FAF2: variants seen among roughly 807,000 people sequenced by gnomAD.
FAF2 encodes the protein FAS-associated factor 2.
A neutral mutation model predicts 62.3 loss-of-function variants in FAF2; 9 were observed. That is an observed-to-expected ratio of 0.14 (90% CI 0.09 to 0.25). FAF2 has a LOEUF of 0.25. FAF2 is among the 10% of genes least tolerant of loss of function. FAF2 has a pLI of 1.00. For missense variants in FAF2, 368 were observed against 556.2 expected, an observed-to-expected ratio of 0.66 and a Z score of 3.40; for synonymous variants, 202 against 198.0, an observed-to-expected ratio of 1.02 and a Z score of -0.17.
intron 4 of FAF2, among the ~76,000 whole-genome samples, chr5:176,489,934 T>C (rs1285018018): frequency 6.6e-6 from 1 of 152,188 alleles, no homozygotes; most frequent in East Asian, 1.9e-4. Flanking sequence ...GCTTCATACC[T>C]TCACCTTTCT....
At chr5:176,483,920 C>T (rs1417636411) in intron 2 of FAF2, among the ~76,000 whole-genome samples, 1 of 151,906 alleles carries the variant, frequency 6.6e-6, no homozygotes, top group Non-Finnish European at 1.5e-5. Context: ...ACTAAAAATA[C>T]AAAAATTAGC....
intron 10 of FAF2, among the ~76,000 whole-genome samples, chr5:176,503,290 C>T (rs1380154575): frequency 6.6e-6 from 1 of 152,138 alleles, no homozygotes; most frequent in Admixed American, 6.5e-5. Context: ...TGCAGTGGCT[C>T]ATGCCTGTAA....
intron 8 of FAF2, among the ~76,000 whole-genome samples, chr5:176,498,587 A>G (rs1272345149): frequency 6.6e-6 from 1 of 152,186 alleles, no homozygotes; most frequent in African/African-American, 2.4e-5. Flanking sequence ...CCAAAATGGT[A>G]TTTACTTGTA....
chr5:176,500,187 G>A, intron 10 of FAF2, 41 bp downstream of exon 10: 1 of 1,598,980 alleles, frequency 6.3e-7, no homozygotes, highest in Non-Finnish European at 8.5e-7. Flanking sequence ...TGTAGCATCT[G>A]GGCTATAGAT....
intron 1 of FAF2, among the ~76,000 whole-genome samples, chr5:176,464,537 GGCTGGA>G (rs1036688940): frequency 7.4e-6 from 1 of 134,550 alleles, no homozygotes; most frequent in African/African-American, 2.9e-5. Context: ...CTGTCACCTG[GGCTGGA>G]GTACAGTGGC....
intron 1 of FAF2, among the ~76,000 whole-genome samples, chr5:176,449,522 C>T (rs1758128473): frequency 6.6e-6 from 1 of 152,102 alleles, no homozygotes; most frequent in African/African-American, 2.4e-5. Context: ...TTGCAGTGAG[C>T]CGAGATCGTG....
chr5:176,477,272 G>C (rs1425848646), intron 1 of FAF2, among the ~76,000 whole-genome samples: 2 of 138,254 alleles, frequency 1.4e-5, no homozygotes, highest in African/African-American at 5.5e-5. Context: ...TTTAAGTAGA[G>C]GTGGGGTTTT....
intron 1 of FAF2, among the ~76,000 whole-genome samples, chr5:176,471,236 T>C (rs941483327): frequency 1.3e-5 from 2 of 152,196 alleles, no homozygotes; most frequent in African/African-American, 2.4e-5. Flanking sequence ...CTTGCTGTCT[T>C]TCATGCCTTC....
At chr5:176,501,504 G>A (rs1026709031) in intron 10 of FAF2, among the ~76,000 whole-genome samples, 2 of 152,154 alleles carry the variant, frequency 1.3e-5, no homozygotes, top group Admixed American at 1.3e-4. Flanking sequence ...ACTGTAATCT[G>A]CCCTCTGATA....
intron 2 of FAF2, among the ~76,000 whole-genome samples, chr5:176,485,874 G>A (rs1305262548): frequency 1.3e-5 from 2 of 152,006 alleles, no homozygotes; most frequent in Non-Finnish European, 2.9e-5. Context: ...CCTGACCTGA[G>A]GCTCATACAT....
At chr5:176,506,208 A>G (rs952575357) in intron 10 of FAF2, among the ~76,000 whole-genome samples, 1 of 138,614 alleles carries the variant, frequency 7.2e-6, no homozygotes, top group Non-Finnish European at 1.5e-5. Context: ...AAAAAAAAAC[A>G]AAAAAAAAAA....
At chr5:176,458,683 C>T (rs1758322946) in intron 1 of FAF2, among the ~76,000 whole-genome samples, 1 of 152,140 alleles carries the variant, frequency 6.6e-6, no homozygotes, top group South Asian at 2.1e-4. Flanking sequence ...GGATTACAGG[C>T]ATGAGCCACT....
intron 4 of FAF2, among the ~76,000 whole-genome samples, chr5:176,490,435 C>T (rs1758954142): frequency 6.6e-6 from 1 of 152,140 alleles, no homozygotes; most frequent in South Asian, 2.1e-4. Context: ...TCAAGGGCAT[C>T]CAGGCCAGCA....
chr5:176,479,375 A>G, intron 2 of FAF2, 119 bp downstream of exon 2: 1 of 812,488 alleles, frequency 1.2e-6, no homozygotes, highest in South Asian at 1.6e-5. Context: ...TTATGACTCT[A>G]AAAATAAAAG....
At position 176,506,996 on chromosome 5, in the gene FAF2, T is replaced by G. The variant is rs757391051; in HGVS notation, c.*46T>G. On this transcript the variant is annotated 3_prime_UTR_variant, in exon 11 of 11. Coordinates refer to ENST00000261942, the MANE Select transcript of FAF2 (RefSeq NM_014613.3). ...CTCCTACCCCAGTCCCTAAAAGAAA[T>G]GGGGAAAAAAGAAAACAACAGCAAG... is the stretch of plus-strand genomic sequence containing the variant. The G allele has an allele frequency of 6.8e-6, 9 of 1,316,324 alleles. No individual in the cohort carries two copies. In the South Asian group the frequency reaches 2.3e-4, roughly 33 times the overall value. 81.5% of individuals were successfully genotyped at this position (1,316,324 alleles called of 1,614,324 possible). A position where few individuals can be genotyped will look rare whatever the true frequency, so the allele number is the denominator to read the frequency against.
intron 10 of FAF2, among the ~76,000 whole-genome samples, chr5:176,501,863 C>T (rs1755597682): frequency 6.6e-6 from 1 of 152,184 alleles, no homozygotes. Flanking sequence ...AAGCAATTCT[C>T]CTGCCTCAGC....
At chr5:176,468,678 A>G (rs1485497718) in intron 1 of FAF2, among the ~76,000 whole-genome samples, 1 of 152,076 alleles carries the variant, frequency 6.6e-6, no homozygotes, top group Non-Finnish European at 1.5e-5. Context: ...CACACCTGTA[A>G]TCTCACCACT....
intron 1 of FAF2, among the ~76,000 whole-genome samples, chr5:176,472,337 G>C (rs1758585927): frequency 6.6e-6 from 1 of 151,682 alleles, no homozygotes; most frequent in African/African-American, 2.4e-5. Context: ...AGTAGAGATG[G>C]GGTTTCACCA....
In FAF2 at chr5:176,507,410, GAA is replaced by G. The variant is rs1339261467; in HGVS notation, c.*462_*463del. On this transcript the variant is annotated 3_prime_UTR_variant, in exon 11 of 11. Coordinates refer to ENST00000261942, the MANE Select transcript of FAF2 (RefSeq NM_014613.3). ...CTGCCTCTGGGGAAGAGAGGGAAGAGAAAGCACAGAGCAGAGAAGCAGAGATG... is the reference window on the plus strand; with the variant it reads ...CTGCCTCTGGGGAAGAGAGGGAAGAGAGCACAGAGCAGAGAAGCAGAGATG... 7.0e-6 allele frequency: 3 copies of G among 431,374 alleles called. No homozygotes were observed. The highest frequency in any genetic ancestry group is 6.1e-5 in the African/African-American group (3 of 49,226). The allele number at this position is 431,374 out of a possible 1,614,324, so 26.7% of individuals were successfully genotyped here.
Sources: gnomAD v4.1 joint callset for allele counts (sites outside exome capture counted in the v4.1 genomes callset) on GRCh38, gnomAD v4.1.1 for gene constraint, MANE v1.5 for transcripts, NCBI Gene and HGNC (gene_info 2026-07-23, HGNC 2026-07-21) for gene names.